The following ELAVL4 variants were observed in gnomAD, a reference collection of about 807,000 sequenced individuals.
ELAVL4 encodes ELAV like RNA binding protein 4, also known as ELAV-like protein 4.
ELAVL4 carries 1 observed loss-of-function variant against 35.6 expected under a neutral mutation model. That is an observed-to-expected ratio of 0.03 (90% CI 0.01 to 0.13). ELAVL4 has a LOEUF of 0.13. Among genes scored for constraint, ELAVL4 ranks in the 10% least tolerant of loss-of-function variants. The pLI, the probability that ELAVL4 is intolerant of heterozygous loss-of-function variation, is 1.00. For synonymous variants in ELAVL4, 156 were observed against 171.0 expected, an observed-to-expected ratio of 0.91 and a Z score of 0.69; for missense variants, 267 against 464.9, an observed-to-expected ratio of 0.57 and a Z score of 3.91.
In ELAVL4 at chr1:50,185,191, C is replaced by T. The variant is rs898177247; in HGVS notation, c.354+7999C>T. On this transcript the variant is annotated intron_variant, in intron 3 of 6. Transcript: ENST00000371824. ...GCAGCCTCTGGGCAGGATGGCTGGT[C>T]TGTCAGTGATCATAGAGCACCACAC... 2.1e-4 allele frequency among the ~76,000 whole-genome samples: 32 copies of T among 152,188 alleles called. 1 individual carries two copies. The highest frequency in any genetic ancestry group is 3.7e-4 in the Non-Finnish European group (25 of 68,036).
chr1:50,200,290 A>G (rs1466826106), intron 6 of ELAVL4, among the ~76,000 whole-genome samples: 1 of 152,140 alleles, frequency 6.6e-6, no homozygotes, highest in African/African-American at 2.4e-5. Context: ...CTTTAGGGCC[A>G]TCTCCTAATC....
intron 1 of ELAVL4, among the ~76,000 whole-genome samples, chr1:50,144,365 TAA>T (rs878951210): frequency 6.9e-6 from 1 of 145,188 alleles, no homozygotes; most frequent in African/African-American, 2.5e-5. Flanking sequence ...ATGGCTAGAT[TAA>T]AAAAAAAAAG....
intron 1 of ELAVL4, among the ~76,000 whole-genome samples, chr1:50,060,077 GGTTA>G (rs1192256832): frequency 2.6e-5 from 4 of 152,058 alleles, no homozygotes; most frequent in African/African-American, 9.7e-5. Context: ...ACTTTAAAAT[GGTTA>G]GTTTTGTTTT....
At chr1:50,145,872 GT>G (rs1247681221) in intron 2 of ELAVL4, among the ~76,000 whole-genome samples, 1 of 152,250 alleles carries the variant, frequency 6.6e-6, no homozygotes, top group East Asian at 1.9e-4. Context: ...AGATTTTTAG[GT>G]TCTGATTTTC....
intron 2 of ELAVL4, among the ~76,000 whole-genome samples, chr1:50,169,239 G>A (rs1298971044): frequency 6.6e-6 from 1 of 151,944 alleles, no homozygotes; most frequent in African/African-American, 2.4e-5. Context: ...TGTTTAGATG[G>A]TGCCCACCAG....
At chr1:50,096,711 G>C (rs1665732029) in intron 1 of ELAVL4, among the ~76,000 whole-genome samples, 1 of 152,086 alleles carries the variant, frequency 6.6e-6, no homozygotes. Context: ...ACATTTTTGA[G>C]TAAGTAGCAG....
chr1:50,138,628 G>C (rs1284175854), intron 1 of ELAVL4, among the ~76,000 whole-genome samples: 1 of 151,988 alleles, frequency 6.6e-6, no homozygotes, highest in Non-Finnish European at 1.5e-5. Flanking sequence ...ATCATGCCTG[G>C]CAAATTTTTG....
At chr1:50,170,656 A>G (rs1210503255) in intron 2 of ELAVL4, among the ~76,000 whole-genome samples, 3 of 152,182 alleles carry the variant, frequency 2.0e-5, no homozygotes, top group African/African-American at 7.2e-5. Context: ...TAGGTCTGGG[A>G]TGGGACCTGA....
At chr1:50,107,511 A>T (rs7541922), upstream of ELAVL4, among the ~76,000 whole-genome samples, 9,156 of 152,196 alleles carry the variant, frequency 0.06, 907 homozygotes, top group African/African-American at 0.21. Context: ...AATCTTGAAA[A>T]ATGTAAGGTT....
At chr1:50,198,064 G>A (rs1644164862) in intron 6 of ELAVL4, among the ~76,000 whole-genome samples, 1 of 152,168 alleles carries the variant, frequency 6.6e-6, no homozygotes, top group African/African-American at 2.4e-5. Flanking sequence ...ACCTCAACCA[G>A]GGGTTTCTTT....
intron 1 of ELAVL4, among the ~76,000 whole-genome samples, chr1:50,051,400 T>A (rs188630320): frequency 6.3e-4 from 96 of 152,324 alleles, no homozygotes; most frequent in African/African-American, 2.3e-3. Context: ...ATTATAAAGA[T>A]AAGACATGAG....
intron 2 of ELAVL4, among the ~76,000 whole-genome samples, chr1:50,145,721 G>A (rs928279507): frequency 1.3e-5 from 2 of 152,176 alleles, no homozygotes; most frequent in Non-Finnish European, 2.9e-5. Flanking sequence ...CTCTGCAGTA[G>A]GAGGGAAATG....
At chr1:50,118,619 T>G (rs1485638912) in intron 1 of ELAVL4, among the ~76,000 whole-genome samples, 2 of 152,044 alleles carry the variant, frequency 1.3e-5, no homozygotes, top group Non-Finnish European at 2.9e-5. Flanking sequence ...AAACCTAATT[T>G]TGTACCTTTT....
intron 3 of ELAVL4, among the ~76,000 whole-genome samples, chr1:50,192,187 C>T (rs1415017989): frequency 6.6e-6 from 1 of 152,184 alleles, no homozygotes; most frequent in Non-Finnish European, 1.5e-5. Flanking sequence ...CCGTGAGTTT[C>T]TAGAAGATGG....
intron 1 of ELAVL4, among the ~76,000 whole-genome samples, chr1:50,068,897 T>A (rs1664387858): frequency 6.6e-6 from 1 of 152,078 alleles, no homozygotes; most frequent in South Asian, 2.1e-4. Flanking sequence ...GATCACAGAG[T>A]GGTTTTATTG....
At chr1:50,089,776 A>C (rs765540977) in intron 1 of ELAVL4, among the ~76,000 whole-genome samples, 1 of 152,162 alleles carries the variant, frequency 6.6e-6, no homozygotes, top group Non-Finnish European at 1.5e-5. Flanking sequence ...AACAAAAAAC[A>C]AAAAACCATC....
chr1:50,173,795 A>C lies in ELAVL4; in HGVS notation c.251-3294A>C, dbSNP rs570500108. Among the ~76,000 whole-genome samples the C allele has an allele frequency of 2.0e-5, 3 of 152,318 alleles. No homozygotes were observed. The South Asian group carries it at 6.2e-4, about 32-fold the overall frequency. On this transcript the variant is annotated intron_variant, in intron 2 of 6. Coordinates refer to ENST00000371824, the MANE Select transcript of ELAVL4 (RefSeq NM_001144774.3). Reference sequence around the variant, plus strand: ...ATACTGTTGCCATCCCTATGTTCTCAAATCTTGCTACTGCTGATAAAGGGA... The same window carrying C: ...ATACTGTTGCCATCCCTATGTTCTCCAATCTTGCTACTGCTGATAAAGGGA...
chr1:50,093,506 A>C (rs527808101), intron 1 of ELAVL4, among the ~76,000 whole-genome samples: 1 of 152,330 alleles, frequency 6.6e-6, no homozygotes, highest in South Asian at 2.1e-4. Context: ...GCTATCAGGT[A>C]AAATTGGTCA....
chr1:50,170,615 G>A (rs1678830026), intron 2 of ELAVL4, among the ~76,000 whole-genome samples: 1 of 152,154 alleles, frequency 6.6e-6, no homozygotes, highest in Admixed American at 6.5e-5. Context: ...ACTTACCTGA[G>A]GATTTTGTGG....
Sources: allele counts gnomAD v4.1 joint callset (sites outside exome capture counted in the v4.1 genomes callset), GRCh38; gene constraint gnomAD v4.1.1; transcripts MANE v1.5; gene names NCBI Gene and HGNC (gene_info 2026-07-23, HGNC 2026-07-21).